Variants in TENT4B observed in about 807,000 individuals in gnomAD.
The protein encoded by TENT4B is PAP associated domain containing 5.
In TENT4B, 10 loss-of-function variants were observed where a neutral mutation model predicts 75.0. The ratio of observed to expected loss-of-function variants is 0.13; its 90% CI spans 0.08 to 0.23. The LOEUF (loss-of-function observed/expected upper bound fraction) is 0.23. Ranked by LOEUF, TENT4B falls within the 10% of genes least tolerant of loss-of-function variation. The pLI, the probability that TENT4B is intolerant of heterozygous loss-of-function variation, is 1.00. For missense variants in TENT4B, 579 were observed against 893.8 expected, an observed-to-expected ratio of 0.65 and a Z score of 4.49; for synonymous variants, 350 against 357.7, an observed-to-expected ratio of 0.98 and a Z score of 0.24.
chr16:50,160,373 G>A (rs757747802), intron 1 of TENT4B, among the ~76,000 whole-genome samples: 12 of 151,992 alleles, frequency 7.9e-5, no homozygotes, highest in Non-Finnish European at 1.5e-4. Flanking sequence ...CAAAGGAAAC[G>A]GTGAGTGACT....
At chr16:50,212,141 G>A (rs2031313601) in intron 2 of TENT4B, among the ~76,000 whole-genome samples, 1 of 152,154 alleles carries the variant, frequency 6.6e-6, no homozygotes, top group Non-Finnish European at 1.5e-5. Flanking sequence ...ACTTACTGCA[G>A]CCTCGATTTC....
intron 1 of TENT4B, among the ~76,000 whole-genome samples, chr16:50,167,520 A>G (rs189947702): frequency 1.4e-5 from 2 of 145,620 alleles, no homozygotes; most frequent in Admixed American, 6.9e-5. Flanking sequence ...TAATTTGTCT[A>G]TTTTTTTTTC....
chr16:50,173,812 G>C (rs1244308618), intron 1 of TENT4B, among the ~76,000 whole-genome samples: 1 of 152,020 alleles, frequency 6.6e-6, no homozygotes, highest in Admixed American at 6.6e-5. Context: ...TCCTGCCTCA[G>C]CTCCCCAGGT....
intron 5 of TENT4B, 126 bp downstream of exon 5, chr16:50,217,789 A>G (rs1275045760): frequency 7.0e-5 from 8 of 113,810 alleles, no homozygotes; most frequent in Admixed American, 1.4e-4. Context: ...AAATAGAGCT[A>G]GGGTCTCACT....
chr16:50,175,231 G>A (rs1053835885), intron 1 of TENT4B, among the ~76,000 whole-genome samples: 9 of 152,002 alleles, frequency 5.9e-5, no homozygotes, highest in Non-Finnish European at 1.3e-4. Context: ...TTCCGAGTCC[G>A]TGACTTATCT....
chr16:50,216,043 C>G lies in TENT4B; in HGVS notation c.810-32C>G, dbSNP rs2031535225. 1.9e-6 allele frequency: 3 copies of G among 1,611,370 alleles called. No homozygotes were observed. In the African/African-American group the frequency reaches 4.0e-5, roughly 22 times the overall value. On this transcript the variant is annotated intron_variant, in intron 3 of 11. Coordinates refer to ENST00000561678, the MANE Select transcript of TENT4B (RefSeq NM_001365324.3). ...AGTTAAAACAAGTTTCCAACTTCTT[C>G]CGACCCTCTTGTATATGTATTCTGT... is the stretch of plus-strand genomic sequence containing the variant.
intron 1 of TENT4B, among the ~76,000 whole-genome samples, chr16:50,186,141 T>A (rs1840578638): frequency 6.6e-6 from 1 of 152,146 alleles, no homozygotes; most frequent in African/African-American, 2.4e-5. Context: ...ACCATCACCA[T>A]TGTCCATTGC....
Position 50,153,921 on chromosome 16 carries a change from G to A in TENT4B, c.300G>A (p.Gln100=). The part of the protein sequence containing the change: ...LLGSHALPAE[Q]RDFLPLETTN... ...GCAGCCACGCGCTGCCCGCGGAGCA[G>A]CGGGACTTCCTGCCCCTAGAGACGA... The change falls in exon 1 of 12, where the codon CAG becomes CAA. Residue 100 remains glutamine, a synonymous_variant. Coordinates refer to ENST00000561678, the MANE Select transcript of TENT4B (RefSeq NM_001365324.3). 1 of 1,529,132 alleles carries A rather than the reference G, an allele frequency of 6.5e-7. No homozygotes were observed. The highest frequency in any genetic ancestry group is 1.2e-5 in the South Asian group (1 of 82,958). 94.7% of individuals were successfully genotyped at this position (1,529,132 alleles called of 1,614,324 possible).
chr16:50,214,634 C>T (rs1408532467), intron 3 of TENT4B, among the ~76,000 whole-genome samples: 3 of 151,910 alleles, frequency 2.0e-5, no homozygotes, highest in African/African-American at 4.8e-5. Flanking sequence ...CCAGCCTGGG[C>T]GACAGAGCAA....
chr16:50,207,893 C>T (rs1373332481), intron 1 of TENT4B, among the ~76,000 whole-genome samples: 1 of 152,180 alleles, frequency 6.6e-6, no homozygotes, highest in African/African-American at 2.4e-5. Context: ...CCTGAATATG[C>T]AAGGCACTGT....
intron 5 of TENT4B, among the ~76,000 whole-genome samples, chr16:50,220,051 C>T (rs985415489): frequency 1.3e-5 from 2 of 151,032 alleles, no homozygotes; most frequent in African/African-American, 2.4e-5. Flanking sequence ...TGCAGTGGCG[C>T]GATCTTGGCT....
intron 1 of TENT4B, among the ~76,000 whole-genome samples, chr16:50,202,977 A>G (rs2150724649): frequency 6.6e-6 from 1 of 152,356 alleles, no homozygotes. Flanking sequence ...GGAATGCTCT[A>G]ATTTCTAGGA....
intron 1 of TENT4B, among the ~76,000 whole-genome samples, chr16:50,181,506 T>C (rs1005362860): frequency 6.7e-6 from 1 of 150,292 alleles, no homozygotes; most frequent in African/African-American, 2.5e-5. Flanking sequence ...AGTTTCACCA[T>C]GTTGTCCAGG....
In TENT4B at chr16:50,232,110, C is replaced by G; in HGVS notation, c.*2782C>G. On this transcript the variant is annotated 3_prime_UTR_variant, in exon 12 of 12. Coordinates refer to ENST00000561678, the MANE Select transcript of TENT4B (RefSeq NM_001365324.3). ...ATTTAAAGACTGTTTTTTAGAGGAGCTGATGGGTTGGTGAGGTGTCAGCAC... is the reference window on the plus strand; with the variant it reads ...ATTTAAAGACTGTTTTTTAGAGGAGGTGATGGGTTGGTGAGGTGTCAGCAC... 1 of 985,368 alleles carries G rather than the reference C, an allele frequency of 1.0e-6. No homozygotes were observed. Among genetic ancestry groups the G allele is most frequent in the Non-Finnish European group, 1.2e-6 (1 of 829,924 alleles). 61.0% of individuals were successfully genotyped at this position (985,368 alleles called of 1,614,324 possible).
chr16:50,207,501 A>G (rs1307852233), intron 1 of TENT4B, among the ~76,000 whole-genome samples: 1 of 152,156 alleles, frequency 6.6e-6, no homozygotes, highest in Non-Finnish European at 1.5e-5. Flanking sequence ...CTTTTAACAT[A>G]AAAACATTGA....
chr16:50,200,257 T>G (rs1173733134), intron 1 of TENT4B, among the ~76,000 whole-genome samples: 1 of 151,568 alleles, frequency 6.6e-6, no homozygotes, highest in East Asian at 1.9e-4. Flanking sequence ...TCCTAACTGC[T>G]TGGGAGACTG....
Position 50,230,999 on chromosome 16 carries a change from C to T in TENT4B, c.*1671C>T. The T allele has an allele frequency of 1.0e-6, 1 of 982,862 alleles. No homozygotes were observed. Among genetic ancestry groups the T allele is most frequent in the Non-Finnish European group, 1.2e-6 (1 of 827,396 alleles). 60.9% of individuals were successfully genotyped at this position (982,862 alleles called of 1,614,324 possible). A position where few individuals can be genotyped will look rare whatever the true frequency, so the allele number is the denominator to read the frequency against. ...ATGAAATACTGAAGACCAATCAGACCATTAATGGACACTTAGTGTAACTTT... is the reference window on the plus strand; with the variant it reads ...ATGAAATACTGAAGACCAATCAGACTATTAATGGACACTTAGTGTAACTTT... On this transcript the variant is annotated 3_prime_UTR_variant, in exon 12 of 12. Transcript: ENST00000561678.
At chr16:50,158,695 A>C (rs1280448001) in intron 1 of TENT4B, among the ~76,000 whole-genome samples, 1 of 152,120 alleles carries the variant, frequency 6.6e-6, no homozygotes, top group African/African-American at 2.4e-5. Context: ...AGATCTGTAG[A>C]TGCTTTTTTA....
chr16:50,182,891 C>CTTTTTTTTTTCTTTTTTTT (rs2038444194), intron 1 of TENT4B, among the ~76,000 whole-genome samples: 1 of 36,458 alleles, frequency 2.7e-5, no homozygotes, highest in Non-Finnish European at 5.1e-5. Context: ...TTTATTTTAC[C>CTTTTTTTTTTCTTTTTTTT]TTTTTTTTTT....
Sources: gnomAD v4.1 joint callset for allele counts (sites outside exome capture counted in the v4.1 genomes callset) on GRCh38, gnomAD v4.1.1 for gene constraint, MANE v1.5 for transcripts, NCBI Gene and HGNC (gene_info 2026-07-23, HGNC 2026-07-21) for gene names.